HSD17B4: variants seen among roughly 807,000 people sequenced by gnomAD.
The protein encoded by HSD17B4 is hydroxysteroid 17-beta dehydrogenase 4.
In HSD17B4, 70 loss-of-function variants were observed where a neutral mutation model predicts 101.0. The ratio of observed to expected loss-of-function variants is 0.69; its 90% confidence interval spans 0.57 to 0.85. The LOEUF (loss-of-function observed/expected upper bound fraction) is 0.85. Ranked by LOEUF, HSD17B4 falls within the 40% of genes least tolerant of loss-of-function variation. The pLI is 0.00. For synonymous variants in HSD17B4, 347 were observed against 297.1 expected (o/e 1.17, Z -1.73); for missense variants, 984 against 892.4 (o/e 1.10, Z -1.31).
Position 119,490,661 on chromosome 5 carries a change from C to T in HSD17B4, c.714+1378C>T, listed in dbSNP as rs181020886. On this transcript the variant is annotated intron_variant, in intron 9 of 23. Transcript: ENST00000510025. Reference sequence around the variant, plus strand: ...TTCATTCACTGCAACCTCCGCCTCCCGGACTCAAGTGATTCTCCTGCCTTA... The same window carrying T: ...TTCATTCACTGCAACCTCCGCCTCCTGGACTCAAGTGATTCTCCTGCCTTA... Among the ~76,000 whole-genome samples the T allele has an allele frequency of 1.7e-3, 261 of 152,194 alleles. 6 individuals are homozygous for T. The South Asian group carries it at 0.046, about 27-fold the overall frequency.
intron 2 of HSD17B4, among the ~76,000 whole-genome samples, chr5:119,469,124 G>A (rs751665324): frequency 2.0e-5 from 3 of 150,578 alleles, no homozygotes; most frequent in Non-Finnish European, 4.4e-5. Flanking sequence ...ATAATGAATT[G>A]TTTTTCTGAT....
At chr5:119,540,302 G>C (rs1754882852) in intron 23 of HSD17B4, among the ~76,000 whole-genome samples, 1 of 152,114 alleles carries the variant, frequency 6.6e-6, no homozygotes, top group Admixed American at 6.6e-5. Flanking sequence ...TATTGGGAAA[G>C]TGTCCCTGAG....
rs936898117 is a variant in HSD17B4, at chr5:119,468,079, G to GT, written c.113-5820dup. ...TCTGTCATTTTGTTAATTGTTTTCT[G>GT]TTTTTTTTTGTATGTTCTTTGTTCC... On this transcript the variant is annotated intron_variant, in intron 2 of 23. Transcript: ENST00000510025. Among the ~76,000 whole-genome samples the GT allele has an allele frequency of 4.7e-4, 71 of 150,576 alleles. 1 individual carries two copies. Among genetic ancestry groups the GT allele is most frequent in the African/African-American group, 1.1e-3 (44 of 41,082 alleles).
At chr5:119,533,128 T>C (rs1004808862) in intron 22 of HSD17B4, among the ~76,000 whole-genome samples, 1 of 152,120 alleles carries the variant, frequency 6.6e-6, no homozygotes, top group African/African-American at 2.4e-5. Flanking sequence ...CCTGTACATG[T>C]ATATAAATAA....
intron 16 of HSD17B4, among the ~76,000 whole-genome samples, chr5:119,513,079 T>C (rs1752315109): frequency 6.6e-6 from 1 of 152,262 alleles, no homozygotes; most frequent in Non-Finnish European, 1.5e-5. Context: ...CCTCACTTAT[T>C]GCTTGGATGT....
chr5:119,475,621 C>G (rs1403651291), intron 4 of HSD17B4, 85 bp from the exon 5 acceptor site: 3 of 1,095,718 alleles, frequency 2.7e-6, no homozygotes, highest in African/African-American at 1.5e-5. Context: ...TAAAAAACGC[C>G]AGTTTTGAGA....
intron 1 of HSD17B4, 167 bp downstream of exon 1, chr5:119,452,800 A>G: frequency 6.5e-7 from 1 of 1,540,806 alleles, no homozygotes; most frequent in Non-Finnish European, 8.7e-7. Context: ...AAAGAGCCGG[A>G]AACACCTGGT....
chr5:119,525,615 G>A, intron 18 of HSD17B4: 1 of 517,956 alleles, frequency 1.9e-6, no homozygotes, highest in Admixed American at 3.2e-5. Flanking sequence ...TCATGTACCT[G>A]TGTGGATGTT....
At chr5:119,514,278 T>C (rs999301294) in intron 16 of HSD17B4, among the ~76,000 whole-genome samples, 11 of 152,180 alleles carry the variant, frequency 7.2e-5, no homozygotes, top group African/African-American at 2.7e-4. Flanking sequence ...GGCATTTTAG[T>C]AATGAAAAAT....
chr5:119,475,158 G>T (rs1406851903), intron 4 of HSD17B4, among the ~76,000 whole-genome samples: 3 of 152,028 alleles, frequency 2.0e-5, no homozygotes, highest in Non-Finnish European at 4.4e-5. Context: ...GTCTGACAGG[G>T]ATAGAAACCA....
intron 17 of HSD17B4, among the ~76,000 whole-genome samples, chr5:119,522,035 C>T (rs530883734): frequency 3.3e-5 from 5 of 151,980 alleles, no homozygotes; most frequent in South Asian, 2.1e-4. Context: ...GTGCTGCACC[C>T]GTTAACTCGT....
At chr5:119,536,222 A>G (rs922691931) in intron 22 of HSD17B4, 17 of 524,714 alleles carry the variant, frequency 3.2e-5, no homozygotes, top group African/African-American at 2.5e-4. Context: ...TCTTTACCTC[A>G]AATTTCTGTA....
intron 12 of HSD17B4, among the ~76,000 whole-genome samples, chr5:119,496,858 C>T (rs1195321921): frequency 6.6e-6 from 1 of 152,186 alleles, no homozygotes; most frequent in East Asian, 1.9e-4. Flanking sequence ...TTATAACATA[C>T]AGCCTGATTT....
chr5:119,473,935 G>T lies in HSD17B4; in HGVS notation c.140G>T (p.Gly47Val). The change falls in exon 3 of 24, where the codon GGA becomes GTA. Residue 47 changes from glycine (G) to valine (V), a missense_variant. Gly to Val is a moderately radical substitution (Grantham distance 109). Coordinates refer to ENST00000510025, the MANE Select transcript of HSD17B4 (RefSeq NM_000414.4). ...VVNDLGGDFKGVGKGSLAADK... is the reference protein window; with the variant it reads ...VVNDLGGDFKVVGKGSLAADK... ...AATGATTTGGGAGGGGACTTCAAAGGAGTTGGTAAAGGCTCCTTAGCTGCT... is the reference window on the plus strand; with the variant it reads ...AATGATTTGGGAGGGGACTTCAAAGTAGTTGGTAAAGGCTCCTTAGCTGCT... 6.2e-7 allele frequency: 1 copy of T among 1,610,212 alleles called. No individual in the cohort carries two copies. Among genetic ancestry groups the T allele is most frequent in the Non-Finnish European group, 8.5e-7 (1 of 1,176,488 alleles).
intron 8 of HSD17B4, among the ~76,000 whole-genome samples, chr5:119,480,159 C>T (rs1008867806): frequency 6.6e-6 from 1 of 152,122 alleles, no homozygotes; most frequent in African/African-American, 2.4e-5. Context: ...TGTCTATTCA[C>T]ATCTTTCACC....
intron 2 of HSD17B4, among the ~76,000 whole-genome samples, chr5:119,457,863 G>A (rs567750762): frequency 1.3e-4 from 20 of 152,174 alleles, no homozygotes; most frequent in African/African-American, 4.8e-4. Flanking sequence ...ACTTTTCTGG[G>A]GGAAGGGTGT....
At chr5:119,479,659 A>G (rs929665690) in intron 8 of HSD17B4, among the ~76,000 whole-genome samples, 1 of 152,144 alleles carries the variant, frequency 6.6e-6, no homozygotes, top group African/African-American at 2.4e-5. Flanking sequence ...CTGAATTCTC[A>G]GGGATTGAAG....
chr5:119,464,864 G>A (rs1755656954), intron 2 of HSD17B4, among the ~76,000 whole-genome samples: 1 of 152,178 alleles, frequency 6.6e-6, no homozygotes, highest in African/African-American at 2.4e-5. Flanking sequence ...GAAGTGCTGG[G>A]ATTATAGGCG....
At chr5:119,462,394 T>C (rs1343779979) in intron 2 of HSD17B4, among the ~76,000 whole-genome samples, 1 of 151,690 alleles carries the variant, frequency 6.6e-6, no homozygotes, top group African/African-American at 2.4e-5. Context: ...TTGCCGTTTC[T>C]TATAGACTTA....
Sources: gnomAD v4.1 joint callset for allele counts (sites outside exome capture counted in the v4.1 genomes callset) on GRCh38, gnomAD v4.1.1 for gene constraint, MANE v1.5 for transcripts, NCBI Gene and HGNC (gene_info 2026-07-23, HGNC 2026-07-21) for gene names.